Variants in STAT1 observed in about 807,000 individuals in gnomAD.
STAT1 encodes the protein signal transducer and activator of transcription 1, also known as signal transducer and activator of transcription 1-alpha/beta.
Under a neutral mutation model 111.7 loss-of-function variants are expected in STAT1, and 24 were observed. The ratio of observed to expected loss-of-function variants is 0.21; its 90% confidence interval spans 0.16 to 0.30. The LOEUF (loss-of-function observed/expected upper bound fraction) is 0.30. STAT1 is among the 10% of genes least tolerant of loss of function. The probability of loss-of-function intolerance (pLI) is 1.00; values close to 1 mark genes in which losing one functional copy is unlikely to be tolerated. For missense variants in STAT1, 351 were observed against 911.9 expected, an observed-to-expected ratio of 0.38 and a Z score of 7.92; for synonymous variants, 332 against 326.5, an observed-to-expected ratio of 1.02 and a Z score of -0.18.
In STAT1 at chr2:190,998,150, A is replaced by C; in HGVS notation, c.633+67T>G. The C allele has an allele frequency of 6.4e-7, 1 of 1,570,778 alleles. No homozygotes were observed. Among genetic ancestry groups the C allele is most frequent in the Non-Finnish European group, 8.8e-7 (1 of 1,142,078 alleles). Reference sequence around the variant, plus strand: ...TGGCTATAATTTTTCCTCTCTTCTAAACTTTGAGTCCATTATTTACAGTGT... The same window carrying C: ...TGGCTATAATTTTTCCTCTCTTCTACACTTTGAGTCCATTATTTACAGTGT... On this transcript the variant is annotated intron_variant, in intron 8 of 24. Coordinates refer to ENST00000361099, the MANE Select transcript of STAT1 (RefSeq NM_007315.4). The surrounding 1 kb of genome is among the most constrained non-coding windows in gnomAD (Gnocchi z 4.1).
Position 190,995,459 on chromosome 2 carries a change from G to C in STAT1, c.786-240C>G, listed in dbSNP as rs888137042. ...TCACATCTTACATGGTGGCAGGCAAGAGAGTTTGTGGAGGGAAATTCCCAC... is the reference window on the plus strand; with the variant it reads ...TCACATCTTACATGGTGGCAGGCAACAGAGTTTGTGGAGGGAAATTCCCAC... On this transcript the variant is annotated intron_variant, in intron 9 of 24. Transcript: ENST00000361099. The surrounding 1 kb of genome is among the most constrained non-coding windows in gnomAD (Gnocchi z 4.2). 1.3e-5 allele frequency among the ~76,000 whole-genome samples: 2 copies of C among 152,232 alleles called. No individual in the cohort carries two copies. Among genetic ancestry groups the C allele is most frequent in the Admixed American group, 1.3e-4 (2 of 15,288 alleles).
At position 190,983,554 on chromosome 2, in the gene STAT1, T is replaced by A; in HGVS notation, c.1446+88A>T. ...GCTTTGTCACTTCTCCCTTAACAAC[T>A]GGCCATTGGGGCTATTTCAGAGATG... On this transcript the variant is annotated intron_variant, in intron 17 of 24. Transcript: ENST00000361099. This position sits in a 1 kb window ranked among gnomAD's most constrained non-coding sequence, Gnocchi z 5.7. 1 of 1,151,786 alleles carries A rather than the reference T, an allele frequency of 8.7e-7. No homozygotes were observed. Among genetic ancestry groups the A allele is most frequent in the Non-Finnish European group, 1.3e-6 (1 of 760,304 alleles). The allele number at this position is 1,151,786 out of a possible 1,614,324, so 71.3% of individuals were successfully genotyped here.
intron 5 of STAT1, among the ~76,000 whole-genome samples, chr2:191,005,458 T>C (rs1263044350): frequency 6.6e-6 from 1 of 152,204 alleles, no homozygotes; most frequent in Non-Finnish European, 1.5e-5. Flanking sequence ...TTACACACTA[T>C]CTGTACTGTA....
rs1692033332 is a variant in STAT1 at position 190,977,910 on chromosome 2, G to A, written c.1874-885C>T. Among the ~76,000 whole-genome samples the A allele has an allele frequency of 6.6e-6, 1 of 151,744 alleles. No homozygotes were observed. Among genetic ancestry groups the A allele is most frequent in the Non-Finnish European group, 1.5e-5 (1 of 67,946 alleles). On this transcript the variant is annotated intron_variant, in intron 21 of 24. Transcript: ENST00000361099. The surrounding 1 kb of genome is among the most constrained non-coding windows in gnomAD (Gnocchi z 4.7). ...TCAGAAGAAAAATAGAACAAGAAAAGTATTCCAGAAAAACAAATAGAACAA... is the reference window on the plus strand; with the variant it reads ...TCAGAAGAAAAATAGAACAAGAAAAATATTCCAGAAAAACAAATAGAACAA...
chr2:190,974,786 A>G lies in STAT1; in HGVS notation c.2238+44T>C. 1 of 1,539,456 alleles carries G rather than the reference A, an allele frequency of 6.5e-7. No individual in the cohort carries two copies. Among genetic ancestry groups the G allele is most frequent in the South Asian group, 1.1e-5 (1 of 89,620 alleles). On this transcript the variant is annotated intron_variant, in intron 24 of 24. Transcript: ENST00000361099. The surrounding 1 kb of genome is among the most constrained non-coding windows in gnomAD (Gnocchi z 4.8). ...TGGTGCGCTCCCTGCCTCTGAGCAC[A>G]CACACTTATTGAGAGCTACACACAG... is the stretch of plus-strand genomic sequence containing the variant.
At chr2:191,001,037 G>A in intron 6 of STAT1, 37 bp downstream of exon 6, 2 of 1,517,774 alleles carry the variant, frequency 1.3e-6, no homozygotes, top group Non-Finnish European at 1.8e-6. Context: ...CCTACAGAAA[G>A]TTTCAGAATA....
At position 190,984,058 on chromosome 2, in the gene STAT1, T is replaced by A. The variant is rs540073609; in HGVS notation, c.1347+252A>T. On this transcript the variant is annotated intron_variant, in intron 16 of 24. Transcript: ENST00000361099. The surrounding 1 kb of genome is among the most constrained non-coding windows in gnomAD (Gnocchi z 5.2). ...GCAGAGCAAAATAAATAAGTCCCAA[T>A]GCTTAATGTAAAAAAAAAAAATTAA... Among the ~76,000 whole-genome samples the A allele has an allele frequency of 2.2e-5, 3 of 137,378 alleles. No homozygotes were observed. Among genetic ancestry groups the A allele is most frequent in the African/African-American group, 7.6e-5 (3 of 39,692 alleles). The allele number at this position is 137,378 out of a possible 152,430, so 90.1% of individuals were successfully genotyped here.
Position 190,977,234 on chromosome 2 carries a change from A to T in STAT1, c.1874-209T>A, listed in dbSNP as rs1015339290. Among the ~76,000 whole-genome samples, 1 of 152,228 alleles carries T rather than the reference A, an allele frequency of 6.6e-6. No homozygotes were observed. Among genetic ancestry groups the T allele is most frequent in the Non-Finnish European group, 1.5e-5 (1 of 68,040 alleles). ...AAAATAAAGGGAGGTATTATTCTCA[A>T]TAACATTCTATTTGCCATTATTTGC... On this transcript the variant is annotated intron_variant, in intron 21 of 24. Coordinates refer to ENST00000361099, the MANE Select transcript of STAT1 (RefSeq NM_007315.4). The surrounding 1 kb of genome is among the most constrained non-coding windows in gnomAD (Gnocchi z 4.7).
chr2:191,013,717 G>A, intron 1 of STAT1, 39 bp from the exon 2 acceptor site: 2 of 398,690 alleles, frequency 5.0e-6, no homozygotes, highest in Non-Finnish European at 8.8e-6. Context: ...GAAAGGGGTG[G>A]AAACGGGAGA....
chr2:191,007,146 T>C lies in STAT1; in HGVS notation c.372+417A>G, dbSNP rs924402793. ...TCTGTCCACCTCTTCCTACCTCCAC[T>C]GATTCTACTGAGCGCAAGCTTCCAC... On this transcript the variant is annotated intron_variant, in intron 5 of 24. Transcript: ENST00000361099. This position sits in a 1 kb window ranked among gnomAD's most constrained non-coding sequence, Gnocchi z 4.2. Among the ~76,000 whole-genome samples the C allele has an allele frequency of 2.6e-5, 4 of 152,198 alleles. No individual in the cohort carries two copies. Among genetic ancestry groups the C allele is most frequent in the Non-Finnish European group, 2.9e-5 (2 of 68,032 alleles).
Position 190,983,812 on chromosome 2 carries a change from A to C in STAT1, c.1348-72T>G. The C allele has an allele frequency of 1.6e-6, 2 of 1,251,006 alleles. No individual in the cohort carries two copies. Among genetic ancestry groups the C allele is most frequent in the Non-Finnish European group, 2.4e-6 (2 of 850,448 alleles). 77.5% of individuals were successfully genotyped at this position (1,251,006 alleles called of 1,614,324 possible). A position where few individuals can be genotyped will look rare whatever the true frequency, so the allele number is the denominator to read the frequency against. ...CACCTTCAGATAACTGCTTAGCCTC[A>C]ACTAAAAGCAGGGGATTATTTGTAA... On this transcript the variant is annotated intron_variant, in intron 16 of 24. Coordinates refer to ENST00000361099, the MANE Select transcript of STAT1 (RefSeq NM_007315.4). The surrounding 1 kb of genome is among the most constrained non-coding windows in gnomAD (Gnocchi z 5.7).
In STAT1 at chr2:190,979,853, T is replaced by C; in HGVS notation, c.1646A>G (p.Asp549Gly). 6.2e-7 allele frequency: 1 copy of C among 1,609,490 alleles called. No homozygotes were observed. The highest frequency in any genetic ancestry group is 8.5e-7 in the Non-Finnish European group (1 of 1,175,816). ...CCAAAGCCAGAAGGGAAAATTTTTA[T>C]CATTTATATTTTCCTGAAAGTATAC... ...WTRFCKENIN[D>G]KNFPFWLWIE... The change falls in exon 20 of 25, where the codon GAT becomes GGT. Residue 549 changes from aspartate to glycine, a missense_variant. By Grantham distance (94) the Asp-to-Gly change is moderately conservative. This residue lies in a region of STAT1 where 181 missense variants were observed against 426.1 expected (regional missense o/e 0.42). Coordinates refer to ENST00000361099, the MANE Select transcript of STAT1 (RefSeq NM_007315.4). The surrounding 1 kb of genome is among the most constrained non-coding windows in gnomAD (Gnocchi z 5.8).
rs1219514969 is a variant in STAT1 at position 190,978,035 on chromosome 2, A to G, written c.1873+821T>C. 2.0e-5 allele frequency among the ~76,000 whole-genome samples: 3 copies of G among 152,328 alleles called. No homozygotes were observed. In the East Asian group the frequency reaches 5.8e-4, roughly 29 times the overall value. On this transcript the variant is annotated intron_variant, in intron 21 of 24. Coordinates refer to ENST00000361099, the MANE Select transcript of STAT1 (RefSeq NM_007315.4). The surrounding 1 kb of genome is among the most constrained non-coding windows in gnomAD (Gnocchi z 6.1). ...GAAAAACAAACAGAACAAGAAGAGT[A>G]TGGCAGAAAAACAAATAGAATAAGA...
In STAT1 at chr2:191,007,215, T is replaced by C. The variant is rs1187354292; in HGVS notation, c.372+348A>G. On this transcript the variant is annotated intron_variant, in intron 5 of 24. Transcript: ENST00000361099. The surrounding 1 kb of genome is among the most constrained non-coding windows in gnomAD (Gnocchi z 4.2). ...CTGCAAGAACCCTCTATCTGCCTGCTTCCATTCCTGTGCCAGCAACTCAGA... is the reference window on the plus strand; with the variant it reads ...CTGCAAGAACCCTCTATCTGCCTGCCTCCATTCCTGTGCCAGCAACTCAGA... Among the ~76,000 whole-genome samples, 3 of 152,208 alleles carry C rather than the reference T, an allele frequency of 2.0e-5. No individual in the cohort carries two copies. The highest frequency in any genetic ancestry group is 4.4e-5 in the Non-Finnish European group (3 of 68,032).
At position 190,975,492 on chromosome 2, in the gene STAT1, T is replaced by C; in HGVS notation, c.2135+320A>G. ...AGTGGAGACAGTGTATCTCAATCAT[T>C]ACTTTGGCCTTTTCTAGATTGAAAA... On this transcript the variant is annotated intron_variant, in intron 23 of 24. Coordinates refer to ENST00000361099, the MANE Select transcript of STAT1 (RefSeq NM_007315.4). This position sits in a 1 kb window ranked among gnomAD's most constrained non-coding sequence, Gnocchi z 5.9. 9.3e-7 allele frequency: 1 copy of C among 1,069,628 alleles called. No individual in the cohort carries two copies. The highest frequency in any genetic ancestry group is 1.3e-6 in the Non-Finnish European group (1 of 765,576). The allele number at this position is 1,069,628 out of a possible 1,614,324, so 66.3% of individuals were successfully genotyped here.
Position 190,999,793 on chromosome 2 carries a change from G to T in STAT1, c.463-89C>A. 1 of 889,000 alleles carries T rather than the reference G, an allele frequency of 1.1e-6. No homozygotes were observed. Among genetic ancestry groups the T allele is most frequent in the Non-Finnish European group, 1.8e-6 (1 of 542,258 alleles). 55.1% of individuals were successfully genotyped at this position (889,000 alleles called of 1,614,324 possible). ...GAGTATTGCTTCTATGGAACCCAGAGAAACACGAAAACAATTCCATCTCCC... is the reference window on the plus strand; with the variant it reads ...GAGTATTGCTTCTATGGAACCCAGATAAACACGAAAACAATTCCATCTCCC... On this transcript the variant is annotated intron_variant, in intron 6 of 24. Transcript: ENST00000361099. The surrounding 1 kb of genome is among the most constrained non-coding windows in gnomAD (Gnocchi z 4.1).
Position 190,980,317 on chromosome 2 carries a change from C to T in STAT1, c.1632+303G>A, listed in dbSNP as rs2125011969. The stretch of plus-strand genomic sequence containing the variant: ...TCAGGCTGCGCCACCCAGCCCACAA[C>T]ATACATTTCACACAGAAATGGCTAA... On this transcript the variant is annotated intron_variant, in intron 19 of 24. Transcript: ENST00000361099. This position sits in a 1 kb window ranked among gnomAD's most constrained non-coding sequence, Gnocchi z 6.1. Among the ~76,000 whole-genome samples, 1 of 152,370 alleles carries T rather than the reference C, an allele frequency of 6.6e-6. No individual in the cohort carries two copies. The highest frequency in any genetic ancestry group is 1.9e-4 in the East Asian group (1 of 5,190).
chr2:191,003,868 G>A lies in STAT1; in HGVS notation c.373-2705C>T, dbSNP rs1239070828. 2.0e-5 allele frequency among the ~76,000 whole-genome samples: 3 copies of A among 152,288 alleles called. No individual in the cohort carries two copies. The East Asian group carries it at 5.8e-4, about 29-fold the overall frequency. ...CTGGGACACTACACCTAGAGAGAGGGACCAGGCCACTGGAGAATTCTGACT... is the reference window on the plus strand; with the variant it reads ...CTGGGACACTACACCTAGAGAGAGGAACCAGGCCACTGGAGAATTCTGACT... On this transcript the variant is annotated intron_variant, in intron 5 of 24. Coordinates refer to ENST00000361099, the MANE Select transcript of STAT1 (RefSeq NM_007315.4). The surrounding 1 kb of genome is among the most constrained non-coding windows in gnomAD (Gnocchi z 4.0).
In STAT1 at chr2:190,997,417, T is replaced by C. The variant is rs976530894; in HGVS notation, c.785+439A>G. On this transcript the variant is annotated intron_variant, in intron 9 of 24. Coordinates refer to ENST00000361099, the MANE Select transcript of STAT1 (RefSeq NM_007315.4). The surrounding 1 kb of genome is among the most constrained non-coding windows in gnomAD (Gnocchi z 7.3). Reference sequence around the variant, plus strand: ...AAGGGCCAAGAATCACTCATCCTTGTGTGCCCAGGTCCTACAGTGCCCGGC... The same window carrying C: ...AAGGGCCAAGAATCACTCATCCTTGCGTGCCCAGGTCCTACAGTGCCCGGC... Among the ~76,000 whole-genome samples the C allele has an allele frequency of 6.6e-6, 1 of 152,254 alleles. No homozygotes were observed. The highest frequency in any genetic ancestry group is 1.5e-5 in the Non-Finnish European group (1 of 68,042).
Sources: gnomAD v4.1 joint callset for allele counts (sites outside exome capture counted in the v4.1 genomes callset) on GRCh38, gnomAD v4.1.1 for gene constraint, gnomAD v4.1.1 regional missense constraint, Gnocchi (gnomAD v3.1) non-coding constraint, MANE v1.5 for transcripts, NCBI Gene and HGNC (gene_info 2026-07-23, HGNC 2026-07-21) for gene names.